HEPH: variants seen among roughly 807,000 people sequenced by gnomAD.
HEPH encodes hephaestin.
HEPH carries 69 observed loss-of-function variants against 80.8 expected under a neutral mutation model. That is an observed-to-expected ratio of 0.85 (90% CI 0.70 to 1.04). The LOEUF is 1.04. Ranked by LOEUF, HEPH falls within the 50% of genes least tolerant of loss-of-function variation. The pLI, the probability that HEPH is intolerant of heterozygous loss-of-function variation, is 0.00. For missense variants in HEPH, 1,115 were observed against 891.3 expected, an observed-to-expected ratio of 1.25 and a Z score of -3.20; for synonymous variants, 431 against 322.8, an observed-to-expected ratio of 1.34 and a Z score of -3.60.
intron 12 of HEPH, 74 bp from the exon 13 acceptor site, chrX:66,203,290 G>A (rs902888518): frequency 2.2e-6 from 2 of 917,452 alleles, no homozygotes; most frequent in Non-Finnish European, 1.6e-6. Context: ...GTATGCCTAG[G>A]GAAAGGCAGG....
At chrX:66,249,605 A>T (rs2090936688) in intron 15 of HEPH, among the ~76,000 whole-genome samples, 1 of 111,766 alleles carries the variant, frequency 8.9e-6, no homozygotes, top group Admixed American at 9.5e-5. Context: ...AAGGCTGTAG[A>T]GTTTTCTCCA....
intron 15 of HEPH, among the ~76,000 whole-genome samples, chrX:66,254,343 G>A (rs935441496): frequency 1.8e-5 from 2 of 111,257 alleles, no homozygotes; most frequent in Non-Finnish European, 1.9e-5. Flanking sequence ...CGAAAGTGAA[G>A]AAGTAAAGAT....
intron 15 of HEPH, among the ~76,000 whole-genome samples, chrX:66,238,519 T>C (rs186949508): frequency 4.0e-4 from 44 of 111,280 alleles, no homozygotes; most frequent in Non-Finnish European, 7.7e-4. Context: ...CACTCCAGCC[T>C]GCATGACAAA....
At chrX:66,219,191 G>A (rs2089532003) in intron 15 of HEPH, among the ~76,000 whole-genome samples, 1 of 112,073 alleles carries the variant, frequency 8.9e-6, no homozygotes, top group Non-Finnish European at 1.9e-5. Context: ...AGGTAGCAAG[G>A]AAGCAGTAAG....
intron 19 of HEPH, among the ~76,000 whole-genome samples, chrX:66,262,725 C>T (rs771787794): frequency 1.2e-3 from 128 of 111,005 alleles, no homozygotes; most frequent in Middle Eastern, 9.2e-3. Flanking sequence ...CTCACTTGGT[C>T]AGGAATGGAA....
chrX:66,177,583 T>C (rs144561393), intron 4 of HEPH, among the ~76,000 whole-genome samples: 131 of 112,210 alleles, frequency 1.2e-3, no homozygotes, highest in African/African-American at 4.1e-3. Flanking sequence ...TTTCATTTCT[T>C]AATGAGGTCA....
chrX:66,265,639 G>A (rs2091514708), intron 20 of HEPH, among the ~76,000 whole-genome samples: 1 of 111,388 alleles, frequency 9.0e-6, no homozygotes, highest in African/African-American at 3.3e-5. Context: ...AGAAAACTTT[G>A]CAGAGACATG....
Position 66,221,941 on chromosome X carries a change from C to T in HEPH, c.2563+13695C>T, listed in dbSNP as rs186877589. On this transcript the variant is annotated intron_variant, in intron 15 of 20. Transcript: ENST00000343002. ...CCCATAAGGGGCTTCTCTTGTGTTACGATGTCTTATTTTTCCTCCCTATGG... is the reference window on the plus strand; with the variant it reads ...CCCATAAGGGGCTTCTCTTGTGTTATGATGTCTTATTTTTCCTCCCTATGG... 2.1e-3 allele frequency among the ~76,000 whole-genome samples: 232 copies of T among 112,034 alleles called. 1 individual carries two copies. The highest frequency in any genetic ancestry group is 7.0e-3 in the African/African-American group (217 of 30,848).
intron 15 of HEPH, among the ~76,000 whole-genome samples, chrX:66,249,413 G>T (rs1043441507): frequency 8.9e-5 from 10 of 111,764 alleles, no homozygotes; most frequent in Non-Finnish European, 1.5e-4. Flanking sequence ...TTCTTATTCT[G>T]TGAAATTTGA....
Position 66,256,219 on chromosome X carries a change from G to T in HEPH, c.2785G>T (p.Asp929Tyr), listed in dbSNP as rs749815792. Reference sequence around the variant, plus strand: ...ATTTGCATTGTTGTTCTTGATTTTTGATGAAAATAAGTCTTGGTATTTGGA... The same window carrying T: ...ATTTGCATTGTTGTTCTTGATTTTTTATGAAAATAAGTCTTGGTATTTGGA... ...REFALLFLIF[D>Y]ENKSWYLEEN... is the part of the protein sequence containing the mutation. Residue 929 changes from aspartate (D) to tyrosine (Y), a missense_variant, in exon 17 of 21, where the codon GAT becomes TAT. Coordinates refer to ENST00000343002, the MANE Select transcript of HEPH (RefSeq NM_001367233.3). 3 of 1,210,928 alleles carry T rather than the reference G, an allele frequency of 2.5e-6. No individual in the cohort carries two copies. The highest frequency in any genetic ancestry group is 3.4e-6 in the Non-Finnish European group (3 of 894,780).
chrX:66,224,330 T>C (rs1227142976), intron 15 of HEPH, among the ~76,000 whole-genome samples: 1 of 111,491 alleles, frequency 9.0e-6, no homozygotes, highest in Non-Finnish European at 1.9e-5. Flanking sequence ...ACTTTTTTTT[T>C]TTTTCCTTCA....
intron 1 of HEPH, 126 bp downstream of exon 1, chrX:66,164,596 G>A (rs1231494766): frequency 4.0e-5 from 17 of 419,854 alleles, no homozygotes; most frequent in Non-Finnish European, 5.1e-5. Context: ...AAAAGTTGGA[G>A]GAGGTTTGGC....
chrX:66,235,699 T>G (rs1474681726), intron 15 of HEPH, among the ~76,000 whole-genome samples: 1 of 112,142 alleles, frequency 8.9e-6, no homozygotes, highest in African/African-American at 3.2e-5. Flanking sequence ...TGGTTCCACA[T>G]GAATTTTAAA....
At chrX:66,162,827 C>G, upstream of HEPH, 1 of 1,155,587 alleles carries the variant, frequency 8.7e-7, no homozygotes, top group Non-Finnish European at 1.1e-6. Flanking sequence ...ATGTGCCCAG[C>G]CTGCCTGGAG....
At chrX:66,218,715 A>AT (rs2089504090) in intron 15 of HEPH, among the ~76,000 whole-genome samples, 1 of 110,901 alleles carries the variant, frequency 9.0e-6, no homozygotes, top group South Asian at 3.9e-4. Flanking sequence ...GGGGGTCCAC[A>AT]TGAGAGGGTC....
chrX:66,206,739 G>A lies in HEPH; in HGVS notation c.2292-456G>A, dbSNP rs746533163. Among the ~76,000 whole-genome samples, 8 of 110,360 alleles carry A rather than the reference G, an allele frequency of 7.2e-5. No individual in the cohort carries two copies. The South Asian group carries it at 2.7e-3, about 37-fold the overall frequency. ...CTGACATTAGAAGAAATAGGGGCCA[G>A]GTGTGGTGGCTCATGCCTGTAATCC... On this transcript the variant is annotated intron_variant, in intron 13 of 20. Transcript: ENST00000343002.
At chrX:66,224,363 T>C (rs1404264005) in intron 15 of HEPH, among the ~76,000 whole-genome samples, 1 of 110,535 alleles carries the variant, frequency 9.0e-6, no homozygotes, top group Admixed American at 9.6e-5. Flanking sequence ...GAACCATTGA[T>C]TGTCCTGTCC....
At chrX:66,180,756 T>A (rs1299338950) in intron 4 of HEPH, among the ~76,000 whole-genome samples, 2 of 94,706 alleles carry the variant, frequency 2.1e-5, no homozygotes, top group Admixed American at 1.1e-4. Flanking sequence ...TGCAGGTTAG[T>A]TACATATGTA....
intron 15 of HEPH, among the ~76,000 whole-genome samples, chrX:66,229,292 G>A (rs2090022730): frequency 8.9e-6 from 1 of 112,257 alleles, no homozygotes; most frequent in South Asian, 3.7e-4. Flanking sequence ...TGAAATAGTA[G>A]CATTTGCAGC....
Sources: gnomAD v4.1 joint callset for allele counts (sites outside exome capture counted in the v4.1 genomes callset) on GRCh38, gnomAD v4.1.1 for gene constraint, MANE v1.5 for transcripts, NCBI Gene and HGNC (gene_info 2026-07-23, HGNC 2026-07-21) for gene names.